The following MSH3 variants were observed in gnomAD, a reference collection of about 807,000 sequenced individuals.
The protein encoded by MSH3 is DNA mismatch repair protein Msh3.
Under a neutral mutation model 123.3 loss-of-function variants are expected in MSH3, and 106 were observed. That is an observed-to-expected ratio of 0.86 (90% CI 0.73 to 1.01). The LOEUF (loss-of-function observed/expected upper bound fraction) is 1.01. Ranked by LOEUF, MSH3 falls within the 50% of genes least tolerant of loss-of-function variation. The pLI, the probability that MSH3 is intolerant of heterozygous loss-of-function variation, is 0.00. For missense variants in MSH3, 1,459 were observed against 1,347.6 expected, an observed-to-expected ratio of 1.08 and a Z score of -1.29; for synonymous variants, 515 against 481.4, an observed-to-expected ratio of 1.07 and a Z score of -0.91.
At chr5:80,854,540 T>C (rs1156560585) in intron 21 of MSH3, among the ~76,000 whole-genome samples, 3 of 152,204 alleles carry the variant, frequency 2.0e-5, no homozygotes, top group Non-Finnish European at 4.4e-5. Flanking sequence ...TTTTGAAATA[T>C]ATATTATTAC....
At chr5:80,706,576 G>A (rs1043318373) in intron 8 of MSH3, among the ~76,000 whole-genome samples, 1 of 152,252 alleles carries the variant, frequency 6.6e-6, no homozygotes, top group African/African-American at 2.4e-5. Context: ...TTTACCATGT[G>A]TTAGGATGAT....
At chr5:80,795,710 A>G (rs1170006826) in intron 19 of MSH3, among the ~76,000 whole-genome samples, 1 of 152,224 alleles carries the variant, frequency 6.6e-6, no homozygotes, top group Non-Finnish European at 1.5e-5. Context: ...TATATGTGGT[A>G]GTCAAACAAG....
intron 4 of MSH3, among the ~76,000 whole-genome samples, chr5:80,671,735 A>G (rs1009864907): frequency 7.2e-5 from 11 of 152,164 alleles, no homozygotes; most frequent in South Asian, 2.1e-4. Flanking sequence ...AGGGAATCAC[A>G]TGGTGCTTCA....
At chr5:80,848,511 AAAG>A (rs1745764490) in intron 20 of MSH3, among the ~76,000 whole-genome samples, 1 of 152,228 alleles carries the variant, frequency 6.6e-6, no homozygotes, top group Non-Finnish European at 1.5e-5. Flanking sequence ...TTTACAAAAG[AAAG>A]AAGTTTATTG....
chr5:80,703,449 A>G (rs1210688337), intron 8 of MSH3, among the ~76,000 whole-genome samples: 1 of 152,130 alleles, frequency 6.6e-6, no homozygotes, highest in Non-Finnish European at 1.5e-5. Flanking sequence ...CCTTCCAGAG[A>G]ACAGTGGGAG....
intron 8 of MSH3, among the ~76,000 whole-genome samples, chr5:80,707,968 C>CT (rs1465566347): frequency 6.6e-6 from 1 of 152,124 alleles, no homozygotes; most frequent in East Asian, 1.9e-4. Context: ...TTATGTATCT[C>CT]TTTTGCCCAT....
In MSH3 at chr5:80,837,293, CAG is replaced by C. The variant is rs538658575; in HGVS notation, c.2814-16836_2814-16835del. Reference sequence around the variant, plus strand: ...AACTAGTTTGCAAGAATACTAGGGACAGGGGTCAGGCACGGTGGCTCACGCCT... The same window carrying C: ...AACTAGTTTGCAAGAATACTAGGGACGGGTCAGGCACGGTGGCTCACGCCT... On this transcript the variant is annotated intron_variant, in intron 20 of 23. Transcript: ENST00000265081. Among the ~76,000 whole-genome samples the C allele has an allele frequency of 6.5e-3, 990 of 152,214 alleles. 5 individuals carry two copies. The highest frequency in any genetic ancestry group is 0.017 in the South Asian group (84 of 4,814).
intron 12 of MSH3, among the ~76,000 whole-genome samples, chr5:80,756,374 A>C (rs1743925612): frequency 6.6e-6 from 1 of 152,216 alleles, no homozygotes; most frequent in South Asian, 2.1e-4. Context: ...TCAGGCCTTC[A>C]GTGTTTCTTC....
chr5:80,657,857 G>T (rs999630844), intron 2 of MSH3, among the ~76,000 whole-genome samples: 1 of 136,292 alleles, frequency 7.3e-6, no homozygotes, highest in Non-Finnish European at 1.7e-5. Context: ...GCAAGGAGGC[G>T]TGACTTGAGA....
chr5:80,852,549 G>T (rs1264809347), intron 20 of MSH3, among the ~76,000 whole-genome samples: 1 of 152,128 alleles, frequency 6.6e-6, no homozygotes, highest in Non-Finnish European at 1.5e-5. Flanking sequence ...GGATATGAAA[G>T]TTTCATCATC....
chr5:80,654,822 GA>G lies in MSH3; in HGVS notation c.97del (p.Ser33AlafsTer2). ...AVLSRFFQST[G>X]SLKSTSSSTG... ...TTGAGCCGATTCTTCCAGTCTACGG[GA>G]AGCCTGAAATCCACCTCCTCCTCCA... On this transcript the variant is annotated frameshift_variant, in exon 1 of 24. Coordinates refer to ENST00000265081, the MANE Select transcript of MSH3 (RefSeq NM_002439.5). LOFTEE classifies it high-confidence loss of function. 6.2e-7 allele frequency: 1 copy of G among 1,604,500 alleles called. No homozygotes were observed. The highest frequency in any genetic ancestry group is 8.5e-7 in the Non-Finnish European group (1 of 1,176,386).
intron 10 of MSH3, among the ~76,000 whole-genome samples, chr5:80,730,827 T>C (rs914043377): frequency 2.0e-5 from 3 of 151,004 alleles, no homozygotes; most frequent in Non-Finnish European, 4.4e-5. Flanking sequence ...AATCAGGCCC[T>C]GATGTGTTTA....
intron 10 of MSH3, among the ~76,000 whole-genome samples, chr5:80,731,224 G>A (rs1038802769): frequency 2.6e-5 from 4 of 151,742 alleles, no homozygotes; most frequent in Admixed American, 6.6e-5. Flanking sequence ...TATTTAATTC[G>A]AAATAAGAAT....
intron 17 of MSH3, 127 bp downstream of exon 17, chr5:80,778,963 GT>G: frequency 1.8e-6 from 1 of 548,348 alleles, no homozygotes; most frequent in South Asian, 2.4e-5. Context: ...GAGTACATGT[GT>G]TCTCTGATTT....
At chr5:80,748,691 TACAC>T (rs36206914) in intron 12 of MSH3, among the ~76,000 whole-genome samples, 11,064 of 147,312 alleles carry the variant, frequency 0.075, 455 homozygotes, top group South Asian at 0.11. Flanking sequence ...ATTTTTTATT[TACAC>T]ACACACACAC....
intron 8 of MSH3, among the ~76,000 whole-genome samples, chr5:80,691,889 GTATATGTTTATATAGATAAACATGTA>G: frequency 1.5e-5 from 2 of 132,078 alleles, no homozygotes; most frequent in South Asian, 2.4e-4. Flanking sequence ...AGATAAACGT[GTATATGTTTATATAGATAAACATGTA>G]TATGTTTATA....
chr5:80,766,098 G>A (rs1351039350), intron 13 of MSH3, among the ~76,000 whole-genome samples: 1 of 151,930 alleles, frequency 6.6e-6, no homozygotes, highest in Non-Finnish European at 1.5e-5. Context: ...TTTCATGGTT[G>A]TAGTATCTTC....
At chr5:80,862,895 A>C (rs549316305) in intron 21 of MSH3, among the ~76,000 whole-genome samples, 1 of 152,368 alleles carries the variant, frequency 6.6e-6, no homozygotes, top group South Asian at 2.1e-4. Context: ...TTTTTAATCA[A>C]CATTTAATAA....
intron 12 of MSH3, among the ~76,000 whole-genome samples, chr5:80,752,204 C>A (rs116466855): frequency 1.3e-5 from 2 of 151,392 alleles, no homozygotes; most frequent in East Asian, 3.9e-4. Context: ...ATCTGAGATT[C>A]GAAGAAAGAA....
Sources: allele counts gnomAD v4.1 joint callset (sites outside exome capture counted in the v4.1 genomes callset), GRCh38; gene constraint gnomAD v4.1.1; transcripts MANE v1.5; gene names NCBI Gene and HGNC (gene_info 2026-07-23, HGNC 2026-07-21).